The following MAFG variants were observed in gnomAD, a reference collection of about 807,000 sequenced individuals.
The protein encoded by MAFG is MAF bZIP transcription factor G, also known as transcription factor MafG.
Under a neutral mutation model 12.2 loss-of-function variants are expected in MAFG, and 3 were observed. That is an observed-to-expected ratio of 0.25 (90% CI 0.11 to 0.64). The LOEUF is 0.64. Among genes scored for constraint, MAFG ranks in the 30% least tolerant of loss-of-function variants. MAFG has a pLI of 0.85. For synonymous variants in MAFG, 126 were observed against 109.1 expected (o/e 1.15, Z -0.96); for missense variants, 153 against 235.5 (o/e 0.65, Z 2.29).
chr17:81,925,681 G>A (rs1047576111), intron 1 of MAFG, among the ~76,000 whole-genome samples: 1 of 151,838 alleles, frequency 6.6e-6, no homozygotes, highest in African/African-American at 2.4e-5. Flanking sequence ...CGTGGTGGGC[G>A]CCTGTAGTCC....
In MAFG at chr17:81,921,899, A is replaced by G. The variant is rs1323817305; in HGVS notation, c.*706T>C. 3.9e-5 allele frequency: 6 copies of G among 152,168 alleles called. No homozygotes were observed. In the East Asian group the frequency reaches 1.2e-3, roughly 29 times the overall value. 9.4% of individuals were successfully genotyped at this position (152,168 alleles called of 1,614,324 possible). On this transcript the variant is annotated 3_prime_UTR_variant, in exon 3 of 3. Coordinates refer to ENST00000357736, the MANE Select transcript of MAFG (RefSeq NM_002359.4). ...CTCTCTTTTAAATAAAGGGCTATATAACCACACAAATAGGTCATGTAAACA... is the reference window on the plus strand; with the variant it reads ...CTCTCTTTTAAATAAAGGGCTATATGACCACACAAATAGGTCATGTAAACA...
At position 81,922,991 on chromosome 17, in the gene MAFG, G is replaced by T; in HGVS notation, c.103C>A (p.Arg35=). The part of the protein sequence containing the change: ...TDEELVTMSV[R]ELNQHLRGLS... ...CCCCGCAGGTGCTGGTTCAGCTCCCGCACCGACATGGTCACCAGCTCCTCA... is the reference window on the plus strand; with the variant it reads ...CCCCGCAGGTGCTGGTTCAGCTCCCTCACCGACATGGTCACCAGCTCCTCA... The change falls in exon 3 of 3, where the codon CGG becomes AGG. Residue 35 remains arginine, a synonymous_variant. Transcript: ENST00000357736. The T allele has an allele frequency of 6.3e-7, 1 of 1,597,354 alleles. No homozygotes were observed. Among genetic ancestry groups the T allele is most frequent in the South Asian group, 1.1e-5 (1 of 88,958 alleles).
chr17:81,923,264 C>T (rs1478341257), intron 1 of MAFG, 50 bp from the exon 2 acceptor site: 3 of 605,738 alleles, frequency 5.0e-6, no homozygotes, highest in South Asian at 3.6e-5. Context: ...CTCGCCGCAC[C>T]CCCCCCCCCC....
Position 81,922,629 on chromosome 17 carries a change from C to T in MAFG, c.465G>A (p.Lys155=). ...CCTACGATCGGGCATCCGTCTTGGACTTTACTATTGTGATGACGCTGGTGG... is the reference window on the plus strand; with the variant it reads ...CCTACGATCGGGCATCCGTCTTGGATTTTACTATTGTGATGACGCTGGTGG... ...VAATSVITIV[K]SKTDARS Residue 155 remains lysine, a synonymous_variant, in exon 3 of 3, where the codon AAG becomes AAA. Coordinates refer to ENST00000357736, the MANE Select transcript of MAFG (RefSeq NM_002359.4). 1.3e-6 allele frequency: 2 copies of T among 1,494,176 alleles called. No individual in the cohort carries two copies. The highest frequency in any genetic ancestry group is 1.8e-6 in the Non-Finnish European group (2 of 1,125,830). The allele number at this position is 1,494,176 out of a possible 1,614,324, so 92.6% of individuals were successfully genotyped here.
chr17:81,925,996 C>CTGTGTGTGTGTGTGTGTGTG (rs532478689), intron 1 of MAFG, among the ~76,000 whole-genome samples: 31 of 89,028 alleles, frequency 3.5e-4, no homozygotes, highest in African/African-American at 9.9e-4. Flanking sequence ...GAGAATGGAC[C>CTGTGTGTGTGTGTGTGTGTG]TGTGTGTGTG....
At chr17:81,923,799 G>A (rs758765677) in intron 1 of MAFG, among the ~76,000 whole-genome samples, 41 of 152,208 alleles carry the variant, frequency 2.7e-4, no homozygotes, top group African/African-American at 8.2e-4. Context: ...AGCCGGCCTC[G>A]GACAAAGCCC....
intron 2 of MAFG, 44 bp downstream of exon 2, chr17:81,923,106 G>GC (rs757520437): frequency 2.5e-5 from 40 of 1,610,832 alleles, no homozygotes; most frequent in Middle Eastern, 1.7e-4. Context: ...CGCCCACTGT[G>GC]CCCCCCGACC....
chr17:81,926,720 C>T lies in MAFG; in HGVS notation c.-30+808G>A, dbSNP rs568023386. ...GCCGCCTGGGAAGGGGTGGACCGCCCGGGGCTTCACCTTTGACCCCGGGAG... is the reference window on the plus strand; with the variant it reads ...GCCGCCTGGGAAGGGGTGGACCGCCTGGGGCTTCACCTTTGACCCCGGGAG... On this transcript the variant is annotated intron_variant, in intron 1 of 2. Transcript: ENST00000357736. The surrounding 1 kb of genome is among the most constrained non-coding windows in gnomAD (Gnocchi z 4.6). Among the ~76,000 whole-genome samples, 7 of 152,180 alleles carry T rather than the reference C, an allele frequency of 4.6e-5. No individual in the cohort carries two copies. Among genetic ancestry groups the T allele is most frequent in the African/African-American group, 1.7e-4 (7 of 41,428 alleles).
In MAFG at chr17:81,926,027, T is replaced by TGG. The variant is rs1279109444; in HGVS notation, c.-30+1499_-30+1500dup. On this transcript the variant is annotated intron_variant, in intron 1 of 2. Coordinates refer to ENST00000357736, the MANE Select transcript of MAFG (RefSeq NM_002359.4). The surrounding 1 kb of genome is among the most constrained non-coding windows in gnomAD (Gnocchi z 4.6). ...GTGTGTGTGTGTGTGTGTGTGTGTG[T>TGG]GGCGGGGGGCGGGGGGCATCCCTGA... Among the ~76,000 whole-genome samples the TGG allele has an allele frequency of 7.6e-5, 4 of 52,444 alleles. No individual in the cohort carries two copies. Among genetic ancestry groups the TGG allele is most frequent in the African/African-American group, 2.6e-4 (4 of 15,384 alleles). 34.4% of individuals were successfully genotyped at this position (52,444 alleles called of 152,430 possible). A position where few individuals can be genotyped will look rare whatever the true frequency, so the allele number is the denominator to read the frequency against.
upstream of MAFG, among the ~76,000 whole-genome samples, chr17:81,929,312 C>T (rs773563661): frequency 6.6e-6 from 1 of 152,218 alleles, no homozygotes; most frequent in African/African-American, 2.4e-5. This position sits in a 1 kb window ranked among gnomAD's most constrained non-coding sequence, Gnocchi z 5.7. Flanking sequence ...GCTGCCCAGG[C>T]TCCTTTGCTG....
Position 81,926,154 on chromosome 17 carries a change from G to A in MAFG, c.-30+1374C>T, listed in dbSNP as rs1314568469. ...ACATACCCAAGGAAAGGTGGCTCTG[G>A]CCACATCACTCCCAAGCTGCCACTT... On this transcript the variant is annotated intron_variant, in intron 1 of 2. Coordinates refer to ENST00000357736, the MANE Select transcript of MAFG (RefSeq NM_002359.4). The surrounding 1 kb of genome is among the most constrained non-coding windows in gnomAD (Gnocchi z 4.6). Among the ~76,000 whole-genome samples, 1 of 152,124 alleles carries A rather than the reference G, an allele frequency of 6.6e-6. No homozygotes were observed. The highest frequency in any genetic ancestry group is 6.5e-5 in the Admixed American group (1 of 15,278).
In MAFG at chr17:81,922,797, G is replaced by A. The variant is rs1273043838; in HGVS notation, c.297C>T (p.Ser99=). 6.2e-7 allele frequency: 1 copy of A among 1,604,670 alleles called. No homozygotes were observed. ...EVEKLASENA[S]MKLELDALRS... Reference sequence around the variant, plus strand: ...GCAGCGCGTCGAGCTCCAGCTTCATGCTGGCGTTCTCTGAGGCCAGCTTCT... The same window carrying A: ...GCAGCGCGTCGAGCTCCAGCTTCATACTGGCGTTCTCTGAGGCCAGCTTCT... Residue 99 remains serine (S), a synonymous_variant, in exon 3 of 3, where the codon AGC becomes AGT. Coordinates refer to ENST00000357736, the MANE Select transcript of MAFG (RefSeq NM_002359.4).
chr17:81,927,013 C>T (rs1192114067), intron 1 of MAFG, among the ~76,000 whole-genome samples: 6 of 152,226 alleles, frequency 3.9e-5, no homozygotes, highest in East Asian at 1.9e-4. Flanking sequence ...ACTGACGGAA[C>T]CCGAGCCCCA....
In MAFG at chr17:81,921,891, G is replaced by C. The variant is rs761742324; in HGVS notation, c.*714C>G. ...AGGAACTTCTCTCTTTTAAATAAAG[G>C]GCTATATAACCACACAAATAGGTCA... On this transcript the variant is annotated 3_prime_UTR_variant, in exon 3 of 3. Transcript: ENST00000357736. 6.6e-5 allele frequency: 10 copies of C among 151,806 alleles called. No homozygotes were observed. The highest frequency in any genetic ancestry group is 1.0e-4 in the Non-Finnish European group (7 of 67,968). 9.4% of individuals were successfully genotyped at this position (151,806 alleles called of 1,614,324 possible).
rs1309661276 is a variant in MAFG at position 81,920,052 on chromosome 17, G to C, written c.*2553C>G. The C allele has an allele frequency of 6.6e-6, 1 of 152,230 alleles. No individual in the cohort carries two copies. Among genetic ancestry groups the C allele is most frequent in the Non-Finnish European group, 1.5e-5 (1 of 68,052 alleles). The allele number at this position is 152,230 out of a possible 1,614,324, so 9.4% of individuals were successfully genotyped here. A position where few individuals can be genotyped will look rare whatever the true frequency, so the allele number is the denominator to read the frequency against. On this transcript the variant is annotated 3_prime_UTR_variant, in exon 3 of 3. Coordinates refer to ENST00000357736, the MANE Select transcript of MAFG (RefSeq NM_002359.4). ...ATGGCCACCCACAGCCAGGACAAAA[G>C]TGGGGGCTGCACAAGGACAAGGAGG...
Position 81,922,572 on chromosome 17 carries a change from C to T in MAFG, c.*33G>A, listed in dbSNP as rs769125538. 39 of 1,412,738 alleles carry T rather than the reference C, an allele frequency of 2.8e-5. No homozygotes were observed. Among genetic ancestry groups the T allele is most frequent in the Non-Finnish European group, 3.5e-5 (38 of 1,079,486 alleles). 87.5% of individuals were successfully genotyped at this position (1,412,738 alleles called of 1,614,324 possible). A position where few individuals can be genotyped will look rare whatever the true frequency, so the allele number is the denominator to read the frequency against. ...CCAAATTCGCCATGTGCCTAGTGGCCCCGCAAAGACCCGCCTGGGCAGACG... is the reference window on the plus strand; with the variant it reads ...CCAAATTCGCCATGTGCCTAGTGGCTCCGCAAAGACCCGCCTGGGCAGACG... On this transcript the variant is annotated 3_prime_UTR_variant, in exon 3 of 3. Transcript: ENST00000357736.
At chr17:81,927,126 A>C (rs1175343841) in intron 1 of MAFG, among the ~76,000 whole-genome samples, 4 of 151,008 alleles carry the variant, frequency 2.6e-5, no homozygotes, top group Non-Finnish European at 3.0e-5. Flanking sequence ...CACCGGATGA[A>C]TCAGCAGCTG....
Position 81,926,773 on chromosome 17 carries a change from C to T in MAFG, c.-30+755G>A, listed in dbSNP as rs745361093. Among the ~76,000 whole-genome samples the T allele has an allele frequency of 2.6e-5, 4 of 152,156 alleles. No homozygotes were observed. The highest frequency in any genetic ancestry group is 4.4e-5 in the Non-Finnish European group (3 of 68,018). ...CACCTGCAGCGAGCCACCCCCACTTCCTCTTCAAGCACCCCTGCCTTCAAC... is the reference window on the plus strand; with the variant it reads ...CACCTGCAGCGAGCCACCCCCACTTTCTCTTCAAGCACCCCTGCCTTCAAC... On this transcript the variant is annotated intron_variant, in intron 1 of 2. Transcript: ENST00000357736. The surrounding 1 kb of genome is among the most constrained non-coding windows in gnomAD (Gnocchi z 4.6).
In MAFG at chr17:81,918,639, T is replaced by A. The variant is rs2040854088; in HGVS notation, c.*3966A>T. On this transcript the variant is annotated 3_prime_UTR_variant, in exon 3 of 3. Transcript: ENST00000357736. ...GCAGGGCAGGCAGGGACTGATCAAC[T>A]CTGCTTGGACCCACCTCTCAGCGCC... The A allele has an allele frequency of 6.6e-6, 1 of 152,594 alleles. No individual in the cohort carries two copies. The highest frequency in any genetic ancestry group is 2.4e-5 in the African/African-American group (1 of 41,436). The allele number at this position is 152,594 out of a possible 1,614,324, so 9.5% of individuals were successfully genotyped here.
Sources: gnomAD v4.1 joint callset for allele counts (sites outside exome capture counted in the v4.1 genomes callset) on GRCh38, gnomAD v4.1.1 for gene constraint, Gnocchi (gnomAD v3.1) non-coding constraint, MANE v1.5 for transcripts, NCBI Gene and HGNC (gene_info 2026-07-23, HGNC 2026-07-21) for gene names.